Variants in DNAH7 observed in about 807,000 individuals in gnomAD.
The protein encoded by DNAH7 is dynein axonemal heavy chain 7, also known as axonemal beta dynein heavy chain 7.
In DNAH7, 397 loss-of-function variants were observed where a neutral mutation model predicts 444.6. The ratio of observed to expected loss-of-function variants is 0.89; its 90% CI spans 0.82 to 0.97. The LOEUF (loss-of-function observed/expected upper bound fraction) is 0.97. Among genes scored for constraint, DNAH7 ranks in the 50% least tolerant of loss-of-function variants. The probability of loss-of-function intolerance (pLI) is 0.00; values close to 1 mark genes in which losing one functional copy is unlikely to be tolerated. For synonymous variants in DNAH7, 1,636 were observed against 1,624.4 expected (o/e 1.01, Z -0.17); for missense variants, 4,902 against 4,800.8 (o/e 1.02, Z -0.62).
At chr2:195,980,061 C>CAAACAAAAA (rs1692464287) in intron 15 of DNAH7, among the ~76,000 whole-genome samples, 1 of 75,062 alleles carries the variant, frequency 1.3e-5, no homozygotes, top group Non-Finnish European at 2.7e-5. Context: ...CAAACTAATA[C>CAAACAAAAA]AAAAAAAAAA....
At chr2:195,842,356 C>A (rs1354334108) in intron 47 of DNAH7, among the ~76,000 whole-genome samples, 1 of 152,072 alleles carries the variant, frequency 6.6e-6, no homozygotes, top group Non-Finnish European at 1.5e-5. Context: ...CGTCTCCTCA[C>A]TCAGCTAAGA....
At chr2:195,743,836 G>A (rs1024192052) in intron 63 of DNAH7, among the ~76,000 whole-genome samples, 1 of 152,226 alleles carries the variant, frequency 6.6e-6, no homozygotes, top group African/African-American at 2.4e-5. Flanking sequence ...TCAAGATTTT[G>A]CAGAAATGTA....
In DNAH7 at chr2:195,900,880, G is replaced by A. The variant is rs115928755; in HGVS notation, c.4336-386C>T. The A allele has an allele frequency of 1.7e-3, 265 of 155,744 alleles. 2 individuals are homozygous for A. Among genetic ancestry groups the A allele is most frequent in the African/African-American group, 5.8e-3 (241 of 41,480 alleles). 9.6% of individuals were successfully genotyped at this position (155,744 alleles called of 1,614,324 possible). On this transcript the variant is annotated intron_variant, in intron 27 of 64. Transcript: ENST00000312428. ...TACCCTGATTTGATCATTACACATC[G>A]TTTACATGCATCAAACTATCACTCT...
chr2:195,927,808 T>C (rs1206879560), intron 21 of DNAH7, among the ~76,000 whole-genome samples: 2 of 152,044 alleles, frequency 1.3e-5, no homozygotes, highest in Non-Finnish European at 2.9e-5. Context: ...CAAATACACA[T>C]AGCACAACAC....
chr2:195,900,584 G>A lies in DNAH7; in HGVS notation c.4336-90C>T, dbSNP rs1448339699. ...AAATACCACACGCTCTCACTAATAT[G>A]TGGAGGCTAAAAAAGTTTATCTCAT... On this transcript the variant is annotated intron_variant, in intron 27 of 64. Coordinates refer to ENST00000312428, the MANE Select transcript of DNAH7 (RefSeq NM_018897.3). The A allele has an allele frequency of 4.9e-6, 6 of 1,232,088 alleles. No individual in the cohort carries two copies. The African/African-American group carries it at 7.5e-5, about 15-fold the overall frequency. 76.3% of individuals were successfully genotyped at this position (1,232,088 alleles called of 1,614,324 possible). A position where few individuals can be genotyped will look rare whatever the true frequency, so the allele number is the denominator to read the frequency against.
At chr2:195,839,382 G>A (rs1375438282) in intron 47 of DNAH7, among the ~76,000 whole-genome samples, 1 of 151,696 alleles carries the variant, frequency 6.6e-6, no homozygotes, top group Non-Finnish European at 1.5e-5. Context: ...AATACTTAAT[G>A]TGAAACATAT....
chr2:195,767,573 T>C (rs1461893572), intron 61 of DNAH7, among the ~76,000 whole-genome samples: 2 of 152,012 alleles, frequency 1.3e-5, no homozygotes, highest in Non-Finnish European at 2.9e-5. Context: ...ATATCCTTTT[T>C]CTTGTCTCTT....
Position 195,906,784 on chromosome 2 carries a change from T to C in DNAH7, c.4210A>G (p.Ile1404Val), listed in dbSNP as rs767143653. 2 of 1,613,214 alleles carry C rather than the reference T, an allele frequency of 1.2e-6. No homozygotes were observed. The highest frequency in any genetic ancestry group is 1.7e-6 in the Non-Finnish European group (2 of 1,179,494). ...AQQILTIQRG[I>V]NAGADILMFE... ...ATCAGTATATCAGCACCTGCATTAA[T>C]ACCTGTAGGTAATCAGGAATGAAAT... Residue 1404 changes from isoleucine (I) to valine (V), a missense_variant and splice_region_variant, in exon 27 of 65, where the codon ATT becomes GTT. Coordinates refer to ENST00000312428, the MANE Select transcript of DNAH7 (RefSeq NM_018897.3).
At chr2:195,748,875 T>C (rs1002089106) in intron 63 of DNAH7, among the ~76,000 whole-genome samples, 4 of 152,074 alleles carry the variant, frequency 2.6e-5, no homozygotes, top group Non-Finnish European at 4.4e-5. Flanking sequence ...CCTAAAACCA[T>C]AAAAACCCTA....
chr2:195,814,249 A>C (rs1697116764), intron 51 of DNAH7, among the ~76,000 whole-genome samples: 1 of 152,224 alleles, frequency 6.6e-6, no homozygotes, highest in Non-Finnish European at 1.5e-5. Flanking sequence ...TTTGGTTCCA[A>C]AATTATACTT....
chr2:196,003,326 A>T (rs1335300553), intron 10 of DNAH7, among the ~76,000 whole-genome samples: 1 of 152,222 alleles, frequency 6.6e-6, no homozygotes, highest in Non-Finnish European at 1.5e-5. Context: ...ACACAGGGGA[A>T]GGTCCAGTTC....
chr2:195,823,116 G>A (rs1697550773), intron 49 of DNAH7, among the ~76,000 whole-genome samples: 1 of 152,156 alleles, frequency 6.6e-6, no homozygotes, highest in Admixed American at 6.5e-5. Flanking sequence ...ACTACTACTG[G>A]ATATTCCCTT....
intron 15 of DNAH7, among the ~76,000 whole-genome samples, chr2:195,979,779 A>G (rs993995252): frequency 7.9e-5 from 12 of 152,008 alleles, no homozygotes; most frequent in Non-Finnish European, 1.6e-4. Flanking sequence ...GAAAAAGAAG[A>G]CATGACAATC....
chr2:195,995,381 AC>A, intron 12 of DNAH7: 1 of 514,330 alleles, frequency 1.9e-6, no homozygotes, highest in Non-Finnish European at 3.9e-6. Flanking sequence ...TGGTGAGCAC[AC>A]CAAGGGATGT....
chr2:195,847,122 A>G (rs1699046579), intron 46 of DNAH7, among the ~76,000 whole-genome samples: 1 of 147,498 alleles, frequency 6.8e-6, no homozygotes, highest in African/African-American at 2.5e-5. Flanking sequence ...GATATCGGAT[A>G]TATATATATC....
chr2:195,771,596 T>A (rs1574406226), intron 61 of DNAH7, 64 bp downstream of exon 61: 1 of 1,213,386 alleles, frequency 8.2e-7, no homozygotes, highest in East Asian at 2.3e-5. Flanking sequence ...AAACAAGTAT[T>A]TGCTAAATAA....
At chr2:195,827,393 T>A (rs545323471) in intron 48 of DNAH7, among the ~76,000 whole-genome samples, 10 of 151,826 alleles carry the variant, frequency 6.6e-5, no homozygotes, top group Admixed American at 2.0e-4. Context: ...TCTTCCCACC[T>A]CAGCCTCCTG....
At chr2:195,932,838 T>C (rs1688791107) in intron 21 of DNAH7, among the ~76,000 whole-genome samples, 1 of 152,164 alleles carries the variant, frequency 6.6e-6, no homozygotes, top group East Asian at 1.9e-4. Context: ...TTATTGAGGA[T>C]TTTTGCATCG....
At chr2:195,851,599 T>C (rs79019017) in intron 46 of DNAH7, among the ~76,000 whole-genome samples, 2,583 of 152,242 alleles carry the variant, frequency 0.017, 71 homozygotes, top group African/African-American at 0.058. Flanking sequence ...ATTCTGATAG[T>C]AGCTAGGTGA....
Sources: gnomAD v4.1 joint callset for allele counts (sites outside exome capture counted in the v4.1 genomes callset) on GRCh38, gnomAD v4.1.1 for gene constraint, MANE v1.5 for transcripts, NCBI Gene and HGNC (gene_info 2026-07-23, HGNC 2026-07-21) for gene names.